IMMP2L: variants seen among roughly 807,000 people sequenced by gnomAD.
IMMP2L encodes the protein mitochondrial inner membrane protease subunit 2.
A neutral mutation model predicts 19.3 loss-of-function variants in IMMP2L; 18 were observed. The ratio of observed to expected loss-of-function variants is 0.93; its 90% CI spans 0.64 to 1.38. The LOEUF is 1.38. IMMP2L is among the 40% of genes most tolerant of loss of function. IMMP2L has a pLI of 0.00. For synonymous variants in IMMP2L, 76 were observed against 73.0 expected, an observed-to-expected ratio of 1.04 and a Z score of -0.21; for missense variants, 233 against 218.2, an observed-to-expected ratio of 1.07 and a Z score of -0.43.
intron 3 of IMMP2L, among the ~76,000 whole-genome samples, chr7:111,472,827 G>A (rs1841383732): frequency 6.6e-6 from 1 of 152,072 alleles, no homozygotes; most frequent in African/African-American, 2.4e-5. Flanking sequence ...TGAGTGCAGT[G>A]GCTCATGCCT....
At chr7:110,788,096 G>A (rs554796325) in intron 5 of IMMP2L, among the ~76,000 whole-genome samples, 2 of 151,624 alleles carry the variant, frequency 1.3e-5, no homozygotes, top group South Asian at 4.2e-4. Context: ...ACGCTCTAAA[G>A]TCTTCCAGCC....
chr7:111,305,747 G>A (rs1822797379), intron 3 of IMMP2L, among the ~76,000 whole-genome samples: 1 of 152,176 alleles, frequency 6.6e-6, no homozygotes, highest in South Asian at 2.1e-4. Flanking sequence ...CAGCTTTCAG[G>A]TCCTGTGAAG....
intron 3 of IMMP2L, among the ~76,000 whole-genome samples, chr7:111,140,190 A>T (rs185536429): frequency 2.7e-4 from 41 of 152,182 alleles, no homozygotes; most frequent in African/African-American, 9.4e-4. Context: ...ACCAAGACTC[A>T]GGGGGGATTT....
chr7:111,276,959 A>C (rs755074285), intron 3 of IMMP2L, among the ~76,000 whole-genome samples: 3 of 152,152 alleles, frequency 2.0e-5, no homozygotes, highest in Non-Finnish European at 2.9e-5. Flanking sequence ...ACCATCCACA[A>C]AAATTAAGAT....
chr7:111,294,816 A>G (rs1324283479), intron 3 of IMMP2L, among the ~76,000 whole-genome samples: 1 of 151,948 alleles, frequency 6.6e-6, no homozygotes, highest in Admixed American at 6.6e-5. Flanking sequence ...CTAAAAAAAG[A>G]AATATTTTAT....
At chr7:111,300,990 TG>T (rs1343378165) in intron 3 of IMMP2L, among the ~76,000 whole-genome samples, 1 of 152,170 alleles carries the variant, frequency 6.6e-6, no homozygotes, top group Non-Finnish European at 1.5e-5. Flanking sequence ...GGTAATTGCA[TG>T]TTTAGGTTCA....
At chr7:110,860,180 A>T (rs927165228) in intron 5 of IMMP2L, among the ~76,000 whole-genome samples, 1 of 152,148 alleles carries the variant, frequency 6.6e-6, no homozygotes, top group African/African-American at 2.4e-5. Flanking sequence ...ATATAAAGCC[A>T]AGAAACTGAA....
rs1200577878 is a variant in IMMP2L, at chr7:111,281,149, AGAAAGAC to A, written c.239+206082_239+206088del. Among the ~76,000 whole-genome samples the A allele has an allele frequency of 6.7e-3, 267 of 39,570 alleles. 3 individuals carry two copies. The highest frequency in any genetic ancestry group is 0.026 in the East Asian group (18 of 684). 26.0% of individuals were successfully genotyped at this position (39,570 alleles called of 152,430 possible). A position where few individuals can be genotyped will look rare whatever the true frequency, so the allele number is the denominator to read the frequency against. ...GAGAAAGAGAGAAAGACAGAAAGACAGAAAGACAGAAAGAAAGAAAGAAAGAAAGAAA... is the reference window on the plus strand; with the variant it reads ...GAGAAAGAGAGAAAGACAGAAAGACAAGAAAGAAAGAAAGAAAGAAAGAAA... On this transcript the variant is annotated intron_variant, in intron 3 of 5. Coordinates refer to ENST00000405709, the MANE Select transcript of IMMP2L (RefSeq NM_032549.4).
intron 3 of IMMP2L, among the ~76,000 whole-genome samples, chr7:111,472,657 A>G (rs1230532613): frequency 6.6e-6 from 1 of 152,238 alleles, no homozygotes; most frequent in Non-Finnish European, 1.5e-5. Context: ...TATTTAAAAA[A>G]TTAGTCTTTT....
At chr7:110,814,758 ATAAT>A (rs1802339622) in intron 5 of IMMP2L, among the ~76,000 whole-genome samples, 1 of 150,546 alleles carries the variant, frequency 6.6e-6, no homozygotes. Flanking sequence ...GTCATTTCTA[ATAAT>A]TGATTGCTCA....
chr7:111,128,756 C>A (rs542750540), intron 3 of IMMP2L, among the ~76,000 whole-genome samples: 2 of 152,088 alleles, frequency 1.3e-5, no homozygotes, highest in South Asian at 4.2e-4. Context: ...ATCTGGGAGG[C>A]GGAGGTTGCA....
chr7:111,034,387 G>T (rs1016364996), intron 3 of IMMP2L, among the ~76,000 whole-genome samples: 2 of 152,082 alleles, frequency 1.3e-5, no homozygotes, highest in Non-Finnish European at 2.9e-5. Context: ...TAGGGGAAAG[G>T]CATTAATTAT....
intron 5 of IMMP2L, among the ~76,000 whole-genome samples, chr7:110,677,972 G>C (rs1335125660): frequency 1.3e-5 from 2 of 152,090 alleles, no homozygotes; most frequent in Non-Finnish European, 2.9e-5. Context: ...CTGGAAGCAT[G>C]CTACTCTGCA....
chr7:111,075,260 G>A (rs1293957838), intron 3 of IMMP2L, among the ~76,000 whole-genome samples: 1 of 151,378 alleles, frequency 6.6e-6, no homozygotes, highest in Non-Finnish European at 1.5e-5. Flanking sequence ...CTGAGTAGCT[G>A]GGACCACAGG....
At chr7:111,032,989 A>G (rs1790986210) in intron 3 of IMMP2L, among the ~76,000 whole-genome samples, 1 of 150,950 alleles carries the variant, frequency 6.6e-6, no homozygotes, top group Non-Finnish European at 1.5e-5. Context: ...GCATGGTGGC[A>G]TGTGCCTATA....
At chr7:110,954,264 G>A (rs767760978) in intron 4 of IMMP2L, among the ~76,000 whole-genome samples, 1 of 152,068 alleles carries the variant, frequency 6.6e-6, no homozygotes, top group Admixed American at 6.6e-5. Context: ...CCCACCAGAT[G>A]TTCCTGCTAA....
intron 3 of IMMP2L, among the ~76,000 whole-genome samples, chr7:111,108,758 C>T (rs1270522586): frequency 6.6e-6 from 1 of 152,046 alleles, no homozygotes; most frequent in African/African-American, 2.4e-5. Flanking sequence ...GCATACAAAC[C>T]ACATGAGTCA....
At chr7:110,999,180 C>A (rs1823362571) in intron 3 of IMMP2L, among the ~76,000 whole-genome samples, 1 of 151,774 alleles carries the variant, frequency 6.6e-6, no homozygotes, top group Non-Finnish European at 1.5e-5. Context: ...TCATCTTTAT[C>A]CTTGGTGTTC....
chr7:111,406,338 C>G (rs1173067417), intron 3 of IMMP2L, among the ~76,000 whole-genome samples: 3 of 152,034 alleles, frequency 2.0e-5, no homozygotes, highest in African/African-American at 7.2e-5. Flanking sequence ...CTCAGCCACT[C>G]CAATGCTACC....
Sources: gnomAD v4.1 joint callset for allele counts (sites outside exome capture counted in the v4.1 genomes callset) on GRCh38, gnomAD v4.1.1 for gene constraint, MANE v1.5 for transcripts, NCBI Gene and HGNC (gene_info 2026-07-23, HGNC 2026-07-21) for gene names.